DRC11: variants seen among roughly 807,000 people sequenced by gnomAD.
DRC11 encodes IQ and AAA domain-containing protein 1.
the DRC11 span, among the ~76,000 whole-genome samples, chr2:236,453,502 C>T: frequency 6.6e-6 from 1 of 152,182 alleles, no homozygotes; most frequent in Non-Finnish European, 1.5e-5. The surrounding 1 kb of genome is among the most constrained non-coding windows in gnomAD (Gnocchi z 4.9). Flanking sequence ...ATCCAAAGAA[C>T]AGCTCTGTCC....
the DRC11 span, among the ~76,000 whole-genome samples, chr2:236,404,387 C>T: frequency 9.9e-5 from 15 of 151,924 alleles, no homozygotes; most frequent in African/African-American, 3.6e-4. Flanking sequence ...AGGCCCAGTT[C>T]CTGGAGCCTC....
the DRC11 span, among the ~76,000 whole-genome samples, chr2:236,418,221 G>C: frequency 6.6e-6 from 1 of 152,146 alleles, no homozygotes; most frequent in Non-Finnish European, 1.5e-5. Context: ...TTTCTCCACA[G>C]CCTTGCCAGC....
At chr2:236,428,003 A>C in the DRC11 span, among the ~76,000 whole-genome samples, 5 of 152,246 alleles carry the variant, frequency 3.3e-5, no homozygotes, top group East Asian at 9.7e-4. Flanking sequence ...TTGGTTGTTT[A>C]GGAGCATGTT....
chr2:236,310,390 C>G, the DRC11 span, among the ~76,000 whole-genome samples: 2 of 152,222 alleles, frequency 1.3e-5, no homozygotes, highest in Non-Finnish European at 2.9e-5. The surrounding 1 kb of genome is among the most constrained non-coding windows in gnomAD (Gnocchi z 5.5). Flanking sequence ...CAGGGACATA[C>G]AGGGAGCCTT....
At chr2:236,378,956 C>G in the DRC11 span, among the ~76,000 whole-genome samples, 3 of 152,118 alleles carry the variant, frequency 2.0e-5, no homozygotes, top group Non-Finnish European at 4.4e-5. Context: ...TGCAGCCCCT[C>G]CCCCTATGGA....
the DRC11 span, chr2:236,391,905 C>T: frequency 7.6e-7 from 1 of 1,318,554 alleles, no homozygotes; most frequent in Non-Finnish European, 1.1e-6. The surrounding 1 kb of genome is among the most constrained non-coding windows in gnomAD (Gnocchi z 4.5). Flanking sequence ...CATGCCACAG[C>T]ATGTCAGGGG....
chr2:236,334,094 C>T, the DRC11 span, among the ~76,000 whole-genome samples: 1 of 152,200 alleles, frequency 6.6e-6, no homozygotes, highest in Admixed American at 6.5e-5. The surrounding 1 kb of genome is among the most constrained non-coding windows in gnomAD (Gnocchi z 7.8). Flanking sequence ...CTCTGTGAGA[C>T]AGTCCCAGCT....
chr2:236,421,739 C>T, the DRC11 span, among the ~76,000 whole-genome samples: 15 of 152,290 alleles, frequency 9.8e-5, no homozygotes, highest in South Asian at 3.1e-3. Flanking sequence ...ATACCAAAGC[C>T]TGGCAGAGAC....
chr2:236,493,749 G>C, the DRC11 span: 14 of 1,563,774 alleles, frequency 9.0e-6, no homozygotes, highest in Non-Finnish European at 1.1e-5. Context: ...ATTAATGTTT[G>C]TTAAAATGAT....
At chr2:236,343,071 A>G in the DRC11 span, among the ~76,000 whole-genome samples, 2 of 152,152 alleles carry the variant, frequency 1.3e-5, no homozygotes, top group Non-Finnish European at 2.9e-5. This position sits in a 1 kb window ranked among gnomAD's most constrained non-coding sequence, Gnocchi z 6.6. Flanking sequence ...CAGGAGCACA[A>G]GGGCTGATTC....
At chr2:236,465,535 T>A in the DRC11 span, 1 of 1,613,998 alleles carries the variant, frequency 6.2e-7, no homozygotes. The surrounding 1 kb of genome is among the most constrained non-coding windows in gnomAD (Gnocchi z 6.2). Flanking sequence ...CCGGATCTGG[T>A]CTTGAAGGTT....
the DRC11 span, among the ~76,000 whole-genome samples, chr2:236,309,277 C>T: frequency 2.2e-4 from 34 of 152,348 alleles, 1 homozygote; most frequent in South Asian, 6.2e-4. The surrounding 1 kb of genome is among the most constrained non-coding windows in gnomAD (Gnocchi z 5.7). Flanking sequence ...TCGATAGCTA[C>T]TGGAGCCTTG....
At chr2:236,453,817 T>G in the DRC11 span, among the ~76,000 whole-genome samples, 1 of 152,118 alleles carries the variant, frequency 6.6e-6, no homozygotes, top group South Asian at 2.1e-4. The surrounding 1 kb of genome is among the most constrained non-coding windows in gnomAD (Gnocchi z 4.9). Flanking sequence ...TTTTTTGTAT[T>G]TTTAGTAGAG....
chr2:236,336,269 C>T, the DRC11 span, among the ~76,000 whole-genome samples: 1 of 152,130 alleles, frequency 6.6e-6, no homozygotes, highest in Non-Finnish European at 1.5e-5. The surrounding 1 kb of genome is among the most constrained non-coding windows in gnomAD (Gnocchi z 7.3). Flanking sequence ...GATGGTTGTT[C>T]TTTTAGCAAA....
chr2:236,461,354 G>A, the DRC11 span, among the ~76,000 whole-genome samples: 13 of 152,266 alleles, frequency 8.5e-5, no homozygotes, highest in African/African-American at 2.6e-4. This position sits in a 1 kb window ranked among gnomAD's most constrained non-coding sequence, Gnocchi z 4.0. Flanking sequence ...AAAGTTTTAG[G>A]TGTAAACCAA....
At chr2:236,482,158 AAATCC>A in the DRC11 span, among the ~76,000 whole-genome samples, 1 of 151,536 alleles carries the variant, frequency 6.6e-6, no homozygotes, top group African/African-American at 2.4e-5. This position sits in a 1 kb window ranked among gnomAD's most constrained non-coding sequence, Gnocchi z 4.5. Context: ...GTATAATTCT[AAATCC>A]TGAATTTTTA....
At chr2:236,325,476 G>C in the DRC11 span, among the ~76,000 whole-genome samples, 1 of 152,004 alleles carries the variant, frequency 6.6e-6, no homozygotes, top group Non-Finnish European at 1.5e-5. This position sits in a 1 kb window ranked among gnomAD's most constrained non-coding sequence, Gnocchi z 4.4. Flanking sequence ...ACCTCTTTAG[G>C]GCACACATTT....
At chr2:236,464,132 C>T in the DRC11 span, among the ~76,000 whole-genome samples, 20 of 152,234 alleles carry the variant, frequency 1.3e-4, no homozygotes, top group Non-Finnish European at 2.5e-4. Context: ...TATCCCATCA[C>T]TCTAGCCGTA....
chr2:236,368,186 G>A, the DRC11 span: 2 of 1,566,398 alleles, frequency 1.3e-6, no homozygotes, highest in African/African-American at 2.7e-5. Flanking sequence ...CGCACGCCGA[G>A]TCTTTACCTA....
Sources: allele counts gnomAD v4.1 joint callset (sites outside exome capture counted in the v4.1 genomes callset), GRCh38; gene constraint gnomAD v4.1.1; non-coding constraint Gnocchi (gnomAD v3.1); transcripts MANE v1.5; gene names NCBI Gene and HGNC (gene_info 2026-07-23, HGNC 2026-07-21).